SCHIP1: variants seen among roughly 807,000 people sequenced by gnomAD.
The protein encoded by SCHIP1 is schwannomin interacting protein 1.
SCHIP1 carries 8 observed loss-of-function variants against 29.7 expected under a neutral mutation model. The observed-to-expected ratio is 0.27, with a 90% CI of 0.16 to 0.49. SCHIP1 has a LOEUF of 0.49. SCHIP1 is among the 20% of genes least tolerant of loss of function. The pLI is 0.99. For missense variants in SCHIP1, 193 were observed against 294.6 expected, an observed-to-expected ratio of 0.66 and a Z score of 2.52; for synonymous variants, 76 against 94.9, an observed-to-expected ratio of 0.80 and a Z score of 1.16.
At chr3:159,629,299 A>G in the SCHIP1 span, among the ~76,000 whole-genome samples, 3 of 152,148 alleles carry the variant, frequency 2.0e-5, no homozygotes, top group African/African-American at 7.2e-5. Context: ...AAAGAAAAAG[A>G]AAAACAAAAA....
the SCHIP1 span, among the ~76,000 whole-genome samples, chr3:159,813,820 T>A: frequency 6.6e-6 from 1 of 152,202 alleles, no homozygotes; most frequent in African/African-American, 2.4e-5. Context: ...ATAAAACTTT[T>A]GGAAAGCTTT....
At chr3:159,477,513 AT>A in the SCHIP1 span, among the ~76,000 whole-genome samples, 1 of 152,072 alleles carries the variant, frequency 6.6e-6, no homozygotes, top group African/African-American at 2.4e-5. Flanking sequence ...AGTGGTTTTA[AT>A]TTGCATTTTG....
chr3:159,760,152 T>C, the SCHIP1 span, among the ~76,000 whole-genome samples: 1 of 152,194 alleles, frequency 6.6e-6, no homozygotes, highest in Admixed American at 6.5e-5. Context: ...GTATCTATAC[T>C]CTTCCTTTAT....
the SCHIP1 span, among the ~76,000 whole-genome samples, chr3:159,378,413 A>T: frequency 6.6e-6 from 1 of 152,220 alleles, no homozygotes; most frequent in East Asian, 1.9e-4. Flanking sequence ...TATCAAACAG[A>T]TCACTGACTC....
chr3:159,605,481 C>T, the SCHIP1 span, among the ~76,000 whole-genome samples: 1 of 152,132 alleles, frequency 6.6e-6, no homozygotes, highest in Non-Finnish European at 1.5e-5. Flanking sequence ...AATCCTATCA[C>T]CTTCTACGAT....
At chr3:159,703,132 A>T in the SCHIP1 span, among the ~76,000 whole-genome samples, 1 of 152,182 alleles carries the variant, frequency 6.6e-6, no homozygotes, top group Non-Finnish European at 1.5e-5. Flanking sequence ...AGTGATTAGA[A>T]CCCAGTGTGG....
the SCHIP1 span, among the ~76,000 whole-genome samples, chr3:159,790,472 G>T: frequency 1.3e-5 from 2 of 152,176 alleles, no homozygotes; most frequent in Admixed American, 6.5e-5. Flanking sequence ...ATCACTTGAG[G>T]TCAGGAGTTC....
the SCHIP1 span, among the ~76,000 whole-genome samples, chr3:159,522,743 C>G: frequency 6.6e-6 from 1 of 152,174 alleles, no homozygotes; most frequent in African/African-American, 2.4e-5. Context: ...GTGGCGCAAG[C>G]CTGTAGTCCC....
chr3:159,693,766 T>C, the SCHIP1 span, among the ~76,000 whole-genome samples: 5 of 152,198 alleles, frequency 3.3e-5, no homozygotes, highest in Non-Finnish European at 7.4e-5. Flanking sequence ...GTAGAAAAAT[T>C]CACCTAGAGC....
the SCHIP1 span, among the ~76,000 whole-genome samples, chr3:159,464,792 C>T: frequency 3.9e-5 from 6 of 152,076 alleles, no homozygotes; most frequent in African/African-American, 1.2e-4. Context: ...TTTGCTTTGC[C>T]GCATGCTCAT....
chr3:159,594,516 G>A, the SCHIP1 span, among the ~76,000 whole-genome samples: 1 of 152,114 alleles, frequency 6.6e-6, no homozygotes, highest in Non-Finnish European at 1.5e-5. Flanking sequence ...TGCACATAAT[G>A]TCTAAAAGCT....
At chr3:159,470,296 A>G in the SCHIP1 span, among the ~76,000 whole-genome samples, 1 of 152,172 alleles carries the variant, frequency 6.6e-6, no homozygotes, top group East Asian at 1.9e-4. Context: ...GACATGAAAC[A>G]TAAATAGTTT....
the SCHIP1 span, among the ~76,000 whole-genome samples, chr3:159,402,982 G>A: frequency 2.6e-5 from 4 of 152,016 alleles, no homozygotes; most frequent in African/African-American, 7.3e-5. Context: ...TAAGTTCTAA[G>A]TACTTATGAA....
chr3:159,651,385 TC>T, the SCHIP1 span, among the ~76,000 whole-genome samples: 1 of 152,160 alleles, frequency 6.6e-6, no homozygotes, highest in East Asian at 1.9e-4. Flanking sequence ...TTTAGAAGTG[TC>T]CCCATGCACT....
At chr3:159,773,745 G>T in the SCHIP1 span, among the ~76,000 whole-genome samples, 1 of 152,186 alleles carries the variant, frequency 6.6e-6, no homozygotes, top group South Asian at 2.1e-4. Flanking sequence ...TCATCACTGT[G>T]TATATTTCTA....
At chr3:159,476,673 T>C in the SCHIP1 span, among the ~76,000 whole-genome samples, 3 of 152,176 alleles carry the variant, frequency 2.0e-5, no homozygotes, top group Non-Finnish European at 4.4e-5. Context: ...TTCTAAATGT[T>C]ATTTTATTTT....
chr3:159,592,537 C>T, the SCHIP1 span, among the ~76,000 whole-genome samples: 134 of 151,980 alleles, frequency 8.8e-4, no homozygotes, highest in African/African-American at 3.0e-3. Flanking sequence ...GTGAACACAT[C>T]GGGCCCCTTC....
the SCHIP1 span, among the ~76,000 whole-genome samples, chr3:159,421,180 T>C: frequency 6.6e-6 from 1 of 152,234 alleles, no homozygotes; most frequent in South Asian, 2.1e-4. Context: ...ACAGAATTTG[T>C]CACCTTTTGA....
the SCHIP1 span, among the ~76,000 whole-genome samples, chr3:159,684,574 G>A: frequency 3.3e-5 from 5 of 152,050 alleles, no homozygotes; most frequent in Admixed American, 3.3e-4. Context: ...GGGAGGCAAA[G>A]GTGGGTGGAT....
Sources: gnomAD v4.1 joint callset for allele counts (sites outside exome capture counted in the v4.1 genomes callset) on GRCh38, gnomAD v4.1.1 for gene constraint, MANE v1.5 for transcripts, NCBI Gene and HGNC (gene_info 2026-07-23, HGNC 2026-07-21) for gene names.